The following PCLO variants were observed in gnomAD, a reference collection of about 807,000 sequenced individuals.
PCLO encodes piccolo presynaptic cytomatrix protein.
Under a neutral mutation model 427.5 loss-of-function variants are expected in PCLO, and 82 were observed. That is an observed-to-expected ratio of 0.19 (90% CI 0.16 to 0.23). The LOEUF (loss-of-function observed/expected upper bound fraction) is 0.23, where lower values mean the gene tolerates loss of function less well. PCLO is among the 10% of genes least tolerant of loss of function. The pLI, the probability that PCLO is intolerant of heterozygous loss-of-function variation, is 1.00. For synonymous variants in PCLO, 2,357 were observed against 2,155.4 expected (o/e 1.09, Z -2.59); for missense variants, 6,239 against 6,115.9 (o/e 1.02, Z -0.67).
intron 3 of PCLO, among the ~76,000 whole-genome samples, chr7:83,118,538 A>G (rs2116551355): frequency 6.6e-6 from 1 of 152,218 alleles, no homozygotes; most frequent in South Asian, 2.1e-4. Flanking sequence ...TACCCTTGGA[A>G]GAGGGAGGGA....
At chr7:83,057,929 C>T (rs890687611) in intron 3 of PCLO, among the ~76,000 whole-genome samples, 1 of 152,038 alleles carries the variant, frequency 6.6e-6, no homozygotes, top group Non-Finnish European at 1.5e-5. Flanking sequence ...TATCAGAAAA[C>T]TTTATCCTTA....
At chr7:82,805,585 A>G (rs1352655955) in intron 21 of PCLO, 103 bp downstream of exon 21, 47 of 1,069,666 alleles carry the variant, frequency 4.4e-5, no homozygotes, top group Non-Finnish European at 6.5e-5. Context: ...AGGGACAATG[A>G]CTCAGAATTG....
chr7:82,855,585 G>A lies in PCLO; in HGVS notation c.13655-8338C>T, dbSNP rs571899306. ...CATGCTGATATTATTTGGAGGCTTG[G>A]ACATGCAAAAACTGAAGACATTATT... On this transcript the variant is annotated intron_variant, in intron 10 of 24. Coordinates refer to ENST00000333891, the MANE Select transcript of PCLO (RefSeq NM_033026.6). Among the ~76,000 whole-genome samples the A allele has an allele frequency of 2.0e-3, 312 of 152,214 alleles. 1 individual carries two copies. The highest frequency in any genetic ancestry group is 3.6e-3 in the Non-Finnish European group (248 of 68,016).
intron 6 of PCLO, among the ~76,000 whole-genome samples, chr7:82,924,836 T>C (rs1403198584): frequency 6.6e-6 from 1 of 152,018 alleles, no homozygotes; most frequent in African/African-American, 2.4e-5. Context: ...CAAAAAAATT[T>C]GATAGCTTAA....
chr7:82,784,085 T>C (rs1342367658), intron 22 of PCLO, among the ~76,000 whole-genome samples: 1 of 152,192 alleles, frequency 6.6e-6, no homozygotes, highest in Non-Finnish European at 1.5e-5. Flanking sequence ...GAGGTCTTTC[T>C]TCTTTGACCC....
chr7:82,819,823 G>T (rs546207024), intron 20 of PCLO, among the ~76,000 whole-genome samples: 1 of 152,258 alleles, frequency 6.6e-6, no homozygotes, highest in South Asian at 2.1e-4. Flanking sequence ...CAATAGGAAA[G>T]TATAAGGCTT....
At chr7:82,790,366 G>A (rs1024742248) in intron 22 of PCLO, among the ~76,000 whole-genome samples, 2 of 152,014 alleles carry the variant, frequency 1.3e-5, no homozygotes, top group Non-Finnish European at 2.9e-5. Context: ...TCCCTCCAGC[G>A]CAGAACTATG....
chr7:82,830,939 C>A (rs987394602), intron 16 of PCLO, among the ~76,000 whole-genome samples: 2 of 151,840 alleles, frequency 1.3e-5, no homozygotes, highest in African/African-American at 4.8e-5. Context: ...TTAGTGAATG[C>A]CAACTCTGTA....
chr7:83,036,836 C>T (rs879683737), intron 3 of PCLO, among the ~76,000 whole-genome samples: 2 of 152,014 alleles, frequency 1.3e-5, no homozygotes, highest in Non-Finnish European at 2.9e-5. Context: ...TCCATCTGAC[C>T]CCTACTGATT....
chr7:83,074,243 G>C (rs1789893283), intron 3 of PCLO, among the ~76,000 whole-genome samples: 1 of 151,720 alleles, frequency 6.6e-6, no homozygotes, highest in African/African-American at 2.4e-5. Flanking sequence ...GTGAGAGAGA[G>C]GGAGAGACAG....
At chr7:82,870,174 T>A (rs139799876) in intron 10 of PCLO, among the ~76,000 whole-genome samples, 2 of 152,150 alleles carry the variant, frequency 1.3e-5, no homozygotes, top group African/African-American at 4.8e-5. Context: ...GGCATCACAC[T>A]GCCTGGCTTC....
In PCLO at chr7:82,915,383, T is replaced by C. The variant is rs1313320875; in HGVS notation, c.12603A>G (p.Ser4201=). Residue 4201 remains serine (S), a synonymous_variant, in exon 7 of 25, where the codon TCA becomes TCG. Transcript: ENST00000333891. The part of the protein sequence containing the change: ...HKKSLIDPKM[S]KFSPIQESRD... ...TACTTTCTTGAATAGGTGAAAATTT[T>C]GACATTTTAGGGTCAATTAGTGATT... 1.9e-6 allele frequency: 3 copies of C among 1,613,580 alleles called. No individual in the cohort carries two copies. Among genetic ancestry groups the C allele is most frequent in the Non-Finnish European group, 2.5e-6 (3 of 1,179,708 alleles).
chr7:82,945,649 T>C (rs956570716), intron 6 of PCLO, among the ~76,000 whole-genome samples: 1 of 152,164 alleles, frequency 6.6e-6, no homozygotes, highest in South Asian at 2.1e-4. Flanking sequence ...ACTGATACAA[T>C]GCATGAGCAA....
At chr7:82,801,632 C>T (rs778582240) in intron 21 of PCLO, 41 bp from the exon 22 acceptor site, 2 of 1,197,880 alleles carry the variant, frequency 1.7e-6, no homozygotes, top group South Asian at 2.6e-5. Flanking sequence ...CAGTTATGAT[C>T]TCATGAATGC....
At chr7:83,030,276 A>G (rs1030175101) in intron 3 of PCLO, among the ~76,000 whole-genome samples, 2 of 152,138 alleles carry the variant, frequency 1.3e-5, no homozygotes, top group African/African-American at 4.8e-5. Flanking sequence ...GCTACAAATA[A>G]TTAATCTTGT....
At chr7:83,086,810 T>C (rs1790245488) in intron 3 of PCLO, among the ~76,000 whole-genome samples, 1 of 152,066 alleles carries the variant, frequency 6.6e-6, no homozygotes, top group Admixed American at 6.6e-5. Context: ...GTGAAAGATA[T>C]AAATGCCCAA....
intron 22 of PCLO, among the ~76,000 whole-genome samples, chr7:82,779,851 T>C (rs1276543855): frequency 6.6e-6 from 1 of 151,774 alleles, no homozygotes; most frequent in African/African-American, 2.4e-5. Context: ...CGTTGCAAGA[T>C]GCCTGCTACA....
At position 82,757,096 on chromosome 7, in the gene PCLO, A is replaced by C. The variant is rs1251955029; in HGVS notation, c.*1479T>G. The C allele has an allele frequency of 1.3e-5, 2 of 152,088 alleles. No homozygotes were observed. Among genetic ancestry groups the C allele is most frequent in the Admixed American group, 1.3e-4 (2 of 15,226 alleles). The allele number at this position is 152,088 out of a possible 1,614,324, so 9.4% of individuals were successfully genotyped here. On this transcript the variant is annotated 3_prime_UTR_variant, in exon 25 of 25. Coordinates refer to ENST00000333891, the MANE Select transcript of PCLO (RefSeq NM_033026.6). ...CTCATTTGGAAGGTTAAGAATATATAATTGTTTTTATCCTATAGATAAGAA... is the reference window on the plus strand; with the variant it reads ...CTCATTTGGAAGGTTAAGAATATATCATTGTTTTTATCCTATAGATAAGAA...
intron 9 of PCLO, chr7:82,894,529 T>G (rs925933656): frequency 6.6e-6 from 1 of 152,156 alleles, no homozygotes; most frequent in African/African-American, 2.4e-5. Context: ...TCATGAGACT[T>G]ATTCACTATC....
Sources: gnomAD v4.1 joint callset for allele counts (sites outside exome capture counted in the v4.1 genomes callset) on GRCh38, gnomAD v4.1.1 for gene constraint, MANE v1.5 for transcripts, NCBI Gene and HGNC (gene_info 2026-07-23, HGNC 2026-07-21) for gene names.